The following TTC27 variants were observed in gnomAD, a reference collection of about 807,000 sequenced individuals.
The protein encoded by TTC27 is tetratricopeptide repeat domain 27.
Under a neutral mutation model 115.9 loss-of-function variants are expected in TTC27, and 79 were observed. The observed-to-expected ratio is 0.68, with a 90% confidence interval of 0.57 to 0.82. The LOEUF (loss-of-function observed/expected upper bound fraction) is 0.82. TTC27 is among the 40% of genes least tolerant of loss of function. TTC27 has a pLI of 0.00. For synonymous variants in TTC27, 401 were observed against 356.0 expected, an observed-to-expected ratio of 1.13 and a Z score of -1.42; for missense variants, 1,054 against 993.1, an observed-to-expected ratio of 1.06 and a Z score of -0.82.
intron 16 of TTC27, among the ~76,000 whole-genome samples, chr2:32,791,534 T>G (rs1479473932): frequency 6.6e-6 from 1 of 152,220 alleles, no homozygotes; most frequent in Non-Finnish European, 1.5e-5. Context: ...CTTATATAAC[T>G]TGAGCAGTCA....
chr2:32,640,494 G>T, intron 4 of TTC27, 84 bp downstream of exon 4: 1 of 1,385,778 alleles, frequency 7.2e-7, no homozygotes, highest in Non-Finnish European at 9.9e-7. Context: ...TGCTGACAAT[G>T]TCTTGGTCTA....
At chr2:32,782,315 T>C (rs114671375) in intron 14 of TTC27, among the ~76,000 whole-genome samples, 397 of 152,324 alleles carry the variant, frequency 2.6e-3, no homozygotes, top group African/African-American at 9.0e-3. Context: ...TTTTTTGTAA[T>C]AAATCTATGT....
At chr2:32,714,073 T>C (rs1358461543) in intron 10 of TTC27, among the ~76,000 whole-genome samples, 2 of 152,106 alleles carry the variant, frequency 1.3e-5, no homozygotes, top group African/African-American at 4.8e-5. Flanking sequence ...TCTGGCTCCA[T>C]CTTTGTTGCT....
At chr2:32,712,408 G>T (rs1399656190) in intron 10 of TTC27, among the ~76,000 whole-genome samples, 1 of 152,112 alleles carries the variant, frequency 6.6e-6, no homozygotes, top group Non-Finnish European at 1.5e-5. Context: ...TATTTTAATG[G>T]CTATGATTCA....
chr2:32,777,009 C>G (rs1046971574), intron 13 of TTC27, among the ~76,000 whole-genome samples: 11 of 152,042 alleles, frequency 7.2e-5, no homozygotes, highest in African/African-American at 2.7e-4. Flanking sequence ...ATAGCTACTT[C>G]CTATTTTATC....
chr2:32,758,790 AT>A (rs770146205), intron 13 of TTC27, among the ~76,000 whole-genome samples: 5 of 152,150 alleles, frequency 3.3e-5, no homozygotes, highest in Non-Finnish European at 5.9e-5. Context: ...ACATACAACT[AT>A]TAAAATTAGG....
chr2:32,796,856 G>T (rs1435379469), intron 16 of TTC27, among the ~76,000 whole-genome samples: 1 of 152,012 alleles, frequency 6.6e-6, no homozygotes, highest in Non-Finnish European at 1.5e-5. Flanking sequence ...TATGGTCAAA[G>T]GATTTTTTTT....
At chr2:32,800,589 C>A (rs1326171097) in intron 16 of TTC27, among the ~76,000 whole-genome samples, 1 of 152,134 alleles carries the variant, frequency 6.6e-6, no homozygotes, top group Non-Finnish European at 1.5e-5. Context: ...CCTTCGCCAC[C>A]TGGGTTCAAG....
chr2:32,813,304 C>T (rs1008259632), intron 18 of TTC27, among the ~76,000 whole-genome samples: 3 of 152,148 alleles, frequency 2.0e-5, no homozygotes, highest in Non-Finnish European at 4.4e-5. Flanking sequence ...CTAAAGTTCT[C>T]CTTCTACTTC....
At chr2:32,795,093 G>T (rs1395684178) in intron 16 of TTC27, among the ~76,000 whole-genome samples, 2 of 149,716 alleles carry the variant, frequency 1.3e-5, no homozygotes, top group Non-Finnish European at 3.0e-5. Flanking sequence ...TATGAGGCCA[G>T]CATTACCCTG....
intron 7 of TTC27, among the ~76,000 whole-genome samples, chr2:32,671,282 C>T (rs547763645): frequency 5.5e-5 from 5 of 90,106 alleles, no homozygotes; most frequent in East Asian, 3.3e-4. Context: ...TTGAGATAAA[C>T]GTGAAGGGTC....
At chr2:32,669,330 G>T (rs1010522415) in intron 7 of TTC27, among the ~76,000 whole-genome samples, 2 of 152,166 alleles carry the variant, frequency 1.3e-5, no homozygotes, top group African/African-American at 4.8e-5. Context: ...AATACATTCA[G>T]ATAATCTTAT....
At chr2:32,697,200 A>C (rs900463000) in intron 9 of TTC27, among the ~76,000 whole-genome samples, 2 of 151,800 alleles carry the variant, frequency 1.3e-5, no homozygotes, top group East Asian at 1.9e-4. Flanking sequence ...TCAAAAAAAA[A>C]AAACAAACAA....
Position 32,678,936 on chromosome 2 carries a change from TTTTCTCTTCCA to T in TTC27, c.1119+19_1119+29del. 6.2e-7 allele frequency: 1 copy of T among 1,609,210 alleles called. No homozygotes were observed. The highest frequency in any genetic ancestry group is 8.5e-7 in the Non-Finnish European group (1 of 1,176,098). On this transcript the variant is annotated intron_variant, in intron 9 of 19. Transcript: ENST00000317907. ...GCATTTACATCAGTGAGTAATGTCTTTTTCTCTTCCATTTCATTTTTTTCCTGGTAAATTAC... is the reference window on the plus strand; with the variant it reads ...GCATTTACATCAGTGAGTAATGTCTTTTTCATTTTTTTCCTGGTAAATTAC...
At chr2:32,734,295 C>T (rs62133874) in intron 11 of TTC27, among the ~76,000 whole-genome samples, 3 of 151,758 alleles carry the variant, frequency 2.0e-5, no homozygotes, top group Admixed American at 6.6e-5. Flanking sequence ...CAGCCTTGAA[C>T]CCCTGGGCTT....
intron 10 of TTC27, among the ~76,000 whole-genome samples, chr2:32,706,608 A>C (rs1667377549): frequency 6.6e-6 from 1 of 152,038 alleles, no homozygotes; most frequent in Non-Finnish European, 1.5e-5. Context: ...CTTGTCGCCC[A>C]GGCTGGAGTG....
At chr2:32,713,625 A>G (rs182149848) in intron 10 of TTC27, among the ~76,000 whole-genome samples, 28 of 152,336 alleles carry the variant, frequency 1.8e-4, no homozygotes, top group African/African-American at 6.0e-4. Context: ...CCAGGAGGAC[A>G]TTGCATTGAA....
chr2:32,708,107 C>T (rs779517970), intron 10 of TTC27, among the ~76,000 whole-genome samples: 10 of 151,976 alleles, frequency 6.6e-5, no homozygotes, highest in South Asian at 2.1e-4. Context: ...TATACAGGTT[C>T]GCTTATATAT....
At chr2:32,738,514 T>C (rs1436003343) in intron 12 of TTC27, among the ~76,000 whole-genome samples, 2 of 152,206 alleles carry the variant, frequency 1.3e-5, no homozygotes, top group Non-Finnish European at 2.9e-5. Context: ...CAGGTGGCTG[T>C]CCTGTCAGGT....
Sources: allele counts gnomAD v4.1 joint callset (sites outside exome capture counted in the v4.1 genomes callset), GRCh38; gene constraint gnomAD v4.1.1; transcripts MANE v1.5; gene names NCBI Gene and HGNC (gene_info 2026-07-23, HGNC 2026-07-21).